The following SPATA6 variants were observed in gnomAD, a reference collection of about 807,000 sequenced individuals.
SPATA6 encodes the protein spermatogenesis associated 6.
A neutral mutation model predicts 65.3 loss-of-function variants in SPATA6; 56 were observed. That is an observed-to-expected ratio of 0.86 (90% confidence interval 0.69 to 1.07). The LOEUF is 1.07. Ranked by LOEUF, SPATA6 falls within the 50% of genes least tolerant of loss-of-function variation. SPATA6 has a pLI of 0.00. For missense variants in SPATA6, 590 were observed against 594.8 expected (o/e 0.99, Z 0.08); for synonymous variants, 199 against 213.2 (o/e 0.93, Z 0.58).
intron 9 of SPATA6, among the ~76,000 whole-genome samples, chr1:48,364,389 A>T (rs1204089172): frequency 1.3e-5 from 2 of 152,218 alleles, no homozygotes; most frequent in Admixed American, 1.3e-4. Flanking sequence ...TGACTTCCAC[A>T]ATGGTTGAAC....
intron 3 of SPATA6, among the ~76,000 whole-genome samples, chr1:48,419,320 C>G (rs1267124921): frequency 6.6e-6 from 1 of 152,024 alleles, no homozygotes; most frequent in African/African-American, 2.4e-5. Context: ...ACTAACAACT[C>G]GACTAGAACT....
intron 3 of SPATA6, among the ~76,000 whole-genome samples, chr1:48,432,674 T>G (rs1654518677): frequency 1.3e-5 from 2 of 152,094 alleles, no homozygotes; most frequent in South Asian, 4.1e-4. Flanking sequence ...CCTTGTGCAG[T>G]TGAAGAAAAT....
chr1:48,374,597 T>C (rs1233302179), intron 9 of SPATA6, among the ~76,000 whole-genome samples: 2 of 152,116 alleles, frequency 1.3e-5, no homozygotes, highest in Non-Finnish European at 2.9e-5. Context: ...CATAAATCAT[T>C]TACCTGAGCA....
intron 12 of SPATA6, among the ~76,000 whole-genome samples, chr1:48,299,780 T>G (rs1644891306): frequency 6.6e-6 from 1 of 152,124 alleles, no homozygotes; most frequent in African/African-American, 2.4e-5. Context: ...GATATAGAAA[T>G]GAAGACTCAG....
At chr1:48,327,420 T>C (rs1313354889) in intron 11 of SPATA6, among the ~76,000 whole-genome samples, 1 of 152,218 alleles carries the variant, frequency 6.6e-6, no homozygotes, top group Non-Finnish European at 1.5e-5. Flanking sequence ...ATTCAACTTC[T>C]ATGGAAAACA....
At chr1:48,311,385 G>T (rs189392105) in intron 11 of SPATA6, among the ~76,000 whole-genome samples, 30 of 151,958 alleles carry the variant, frequency 2.0e-4, no homozygotes, top group Middle Eastern at 6.8e-3. Flanking sequence ...AAATAAAAAG[G>T]GTAATAAGGA....
At chr1:48,368,348 C>A (rs1424820990) in intron 9 of SPATA6, among the ~76,000 whole-genome samples, 1 of 152,174 alleles carries the variant, frequency 6.6e-6, no homozygotes, top group African/African-American at 2.4e-5. Context: ...GTCTGCCTTG[C>A]TAGATTGGGG....
intron 9 of SPATA6, among the ~76,000 whole-genome samples, chr1:48,364,983 TA>T (rs754309836): frequency 6.6e-6 from 1 of 152,352 alleles, no homozygotes; most frequent in Non-Finnish European, 1.5e-5. Context: ...GTATAAGGTG[TA>T]AGGAAAGGAT....
chr1:48,300,202 T>C lies in SPATA6; in HGVS notation c.1287-1309A>G, dbSNP rs139036351. 4.5e-3 allele frequency among the ~76,000 whole-genome samples: 692 copies of C among 152,308 alleles called. 4 individuals carry two copies. Among genetic ancestry groups the C allele is most frequent in the African/African-American group, 0.015 (618 of 41,568 alleles). On this transcript the variant is annotated intron_variant, in intron 12 of 12. Transcript: ENST00000371847. ...AGTGTTATAATTTTACTAACATAAA[T>C]TCCGGAATTACATTTTTTATGGATA...
At chr1:48,339,768 G>T (rs1359394623) in intron 11 of SPATA6, among the ~76,000 whole-genome samples, 1 of 151,980 alleles carries the variant, frequency 6.6e-6, no homozygotes, top group African/African-American at 2.4e-5. Flanking sequence ...CAAGAAACTT[G>T]CAGGACACAA....
In SPATA6 at chr1:48,346,352, AAACT is replaced by A. The variant is rs1161972625; in HGVS notation, c.1194+9314_1194+9317del. Among the ~76,000 whole-genome samples the A allele has an allele frequency of 2.0e-5, 3 of 152,288 alleles. No homozygotes were observed. The East Asian group carries it at 5.8e-4, about 29-fold the overall frequency. ...CAAAATAATAAAAGCCATATACAACAAACTGACAGTCAACATCATACTGAATGGG... is the reference window on the plus strand; with the variant it reads ...CAAAATAATAAAAGCCATATACAACAGACAGTCAACATCATACTGAATGGG... On this transcript the variant is annotated intron_variant, in intron 11 of 12. Coordinates refer to ENST00000371847, the MANE Select transcript of SPATA6 (RefSeq NM_019073.4).
intron 11 of SPATA6, 35 bp downstream of exon 11, chr1:48,355,635 T>C (rs1219995574): frequency 2.0e-6 from 3 of 1,494,150 alleles, no homozygotes; most frequent in East Asian, 2.3e-5. Context: ...TGACCTATTA[T>C]AAATAGTCTT....
rs114659378 is a variant in SPATA6, at chr1:48,355,629, C to T, written c.1194+41G>A. On this transcript the variant is annotated intron_variant, in intron 11 of 12. Transcript: ENST00000371847. Reference sequence around the variant, plus strand: ...AGGCATCTTTGGTGGTTTTCTTGACCTATTATAAATAGTCTTCAAAAAAAA... The same window carrying T: ...AGGCATCTTTGGTGGTTTTCTTGACTTATTATAAATAGTCTTCAAAAAAAA... 9.9e-4 allele frequency: 1,385 copies of T among 1,393,648 alleles called. 18 individuals are homozygous for T. The African/African-American group carries it at 0.019, about 19-fold the overall frequency. The allele number at this position is 1,393,648 out of a possible 1,614,324, so 86.3% of individuals were successfully genotyped here. A position where few individuals can be genotyped will look rare whatever the true frequency, so the allele number is the denominator to read the frequency against.
At chr1:48,403,774 T>C (rs749601256) in intron 6 of SPATA6, 28 bp downstream of exon 6, 3 of 1,544,848 alleles carry the variant, frequency 1.9e-6, no homozygotes, top group Admixed American at 3.7e-5. Context: ...AATTAAACCA[T>C]TAAATACTTT....
intron 11 of SPATA6, among the ~76,000 whole-genome samples, chr1:48,315,026 G>T (rs1000499963): frequency 1.3e-5 from 2 of 152,094 alleles, no homozygotes; most frequent in Non-Finnish European, 2.9e-5. Flanking sequence ...CCAATAACAG[G>T]CTCTGAAATT....
intron 1 of SPATA6, among the ~76,000 whole-genome samples, chr1:48,462,247 TGAC>T (rs1557736843): frequency 6.6e-6 from 1 of 152,052 alleles, no homozygotes; most frequent in Non-Finnish European, 1.5e-5. Flanking sequence ...TAATGCTAAA[TGAC>T]GAGTTAATGG....
At chr1:48,283,359 A>T in the SPATA6 span, among the ~76,000 whole-genome samples, 13 of 137,740 alleles carry the variant, frequency 9.4e-5, no homozygotes, top group African/African-American at 1.4e-4. Context: ...AATAAAAAAA[A>T]TTTTTAAAAA....
chr1:48,384,055 T>C (rs1302672377), intron 9 of SPATA6, among the ~76,000 whole-genome samples: 3 of 151,108 alleles, frequency 2.0e-5, no homozygotes, highest in African/African-American at 4.9e-5. Context: ...CATTGAGCAC[T>C]GAGTGAACGA....
intron 11 of SPATA6, among the ~76,000 whole-genome samples, chr1:48,315,375 C>T (rs549968318): frequency 1.3e-5 from 2 of 152,042 alleles, no homozygotes; most frequent in African/African-American, 4.8e-5. Context: ...GGGATGCAAG[C>T]CTGGTTCAAC....
Sources: gnomAD v4.1 joint callset for allele counts (sites outside exome capture counted in the v4.1 genomes callset) on GRCh38, gnomAD v4.1.1 for gene constraint, MANE v1.5 for transcripts, NCBI Gene and HGNC (gene_info 2026-07-23, HGNC 2026-07-21) for gene names.